The following PCDHA12 variants were observed in gnomAD, a reference collection of about 807,000 sequenced individuals.
PCDHA12 encodes protocadherin alpha 12.
PCDHA12 carries 44 observed loss-of-function variants against 60.0 expected under a neutral mutation model. The observed-to-expected ratio is 0.73, with a 90% CI of 0.58 to 0.94. The LOEUF is 0.94. Among genes scored for constraint, PCDHA12 ranks in the 40% least tolerant of loss-of-function variants. The pLI is 0.00. For missense variants in PCDHA12, 1,276 were observed against 1,239.7 expected, an observed-to-expected ratio of 1.03 and a Z score of -0.44; for synonymous variants, 569 against 553.0, an observed-to-expected ratio of 1.03 and a Z score of -0.40.
chr5:140,964,949 G>A (rs1322269042), intron 1 of PCDHA12, among the ~76,000 whole-genome samples: 1 of 152,226 alleles, frequency 6.6e-6, no homozygotes, highest in Non-Finnish European at 1.5e-5. Flanking sequence ...TAGTGAGTGT[G>A]CTTGGTTGGT....
intron 1 of PCDHA12, among the ~76,000 whole-genome samples, chr5:140,971,815 A>G (rs988959952): frequency 3.2e-4 from 49 of 152,166 alleles, no homozygotes; most frequent in African/African-American, 1.1e-3. Flanking sequence ...TATTGAATAC[A>G]TATATGATTT....
At chr5:140,926,685 A>C in intron 1 of PCDHA12, 1 of 665,408 alleles carries the variant, frequency 1.5e-6, no homozygotes, top group Non-Finnish European at 2.3e-6. Context: ...CCTCCAGCCT[A>C]GCAAGCCCGG....
chr5:140,939,005 G>A (rs2092293653), intron 1 of PCDHA12, among the ~76,000 whole-genome samples: 1 of 152,200 alleles, frequency 6.6e-6, no homozygotes, highest in Non-Finnish European at 1.5e-5. Flanking sequence ...AAGTTAAGAA[G>A]TGTTACTTTT....
intron 1 of PCDHA12, among the ~76,000 whole-genome samples, chr5:140,974,338 A>G (rs1554235945): frequency 6.6e-6 from 1 of 152,212 alleles, no homozygotes; most frequent in Non-Finnish European, 1.5e-5. Flanking sequence ...CTAGCAGGCT[A>G]TGCATCCAGA....
chr5:140,929,167 T>G (rs781804558), intron 1 of PCDHA12: 2 of 1,614,144 alleles, frequency 1.2e-6, no homozygotes, highest in Non-Finnish European at 1.7e-6. Context: ...CTATCGGGCC[T>G]CTCTGGGACT....
chr5:140,977,482 A>G lies in PCDHA12; in HGVS notation c.2368-1467A>G, dbSNP rs3776112. ...TTTGGTCTGTAGATAATTTTATGCTATGTTATATGGAATATCCACAGCATT... is the reference window on the plus strand; with the variant it reads ...TTTGGTCTGTAGATAATTTTATGCTGTGTTATATGGAATATCCACAGCATT... On this transcript the variant is annotated intron_variant, in intron 1 of 3. Coordinates refer to ENST00000398631, the MANE Select transcript of PCDHA12 (RefSeq NM_018903.4). Among the ~76,000 whole-genome samples the G allele has an allele frequency of 3.0e-4, 46 of 152,350 alleles. No homozygotes were observed. The East Asian group carries it at 5.4e-3, about 18-fold the overall frequency.
chr5:140,967,976 C>T (rs2096205972), intron 1 of PCDHA12: 3 of 1,614,222 alleles, frequency 1.9e-6, no homozygotes, highest in Non-Finnish European at 2.5e-6. Context: ...GAGCCTGGGT[C>T]TGGAGGCCAC....
intron 1 of PCDHA12, among the ~76,000 whole-genome samples, chr5:140,937,624 A>G (rs2091636613): frequency 6.6e-6 from 1 of 150,778 alleles, no homozygotes; most frequent in Non-Finnish European, 1.5e-5. Context: ...CTAAAAAGAA[A>G]AAGAAAGGCA....
At chr5:140,881,940 G>A (rs1273995753) in intron 1 of PCDHA12, 1 of 295,968 alleles carries the variant, frequency 3.4e-6, no homozygotes, top group Non-Finnish European at 6.2e-6. Flanking sequence ...TGCTGTTTCT[G>A]GGAAGGTAAA....
intron 1 of PCDHA12, chr5:140,967,010 C>G: frequency 6.2e-7 from 1 of 1,606,340 alleles, no homozygotes. Flanking sequence ...CATCAACCAT[C>G]TGGGTGCGCC....
At chr5:140,983,092 T>C (rs782172308) in intron 3 of PCDHA12, among the ~76,000 whole-genome samples, 4 of 152,178 alleles carry the variant, frequency 2.6e-5, no homozygotes, top group Non-Finnish European at 5.9e-5. Flanking sequence ...TCAAAGTCAA[T>C]CTGCTTCTCT....
intron 2 of PCDHA12, among the ~76,000 whole-genome samples, chr5:140,981,680 C>T (rs1238332235): frequency 6.6e-6 from 1 of 151,746 alleles, no homozygotes; most frequent in Non-Finnish European, 1.5e-5. Flanking sequence ...CTTCCTTCCT[C>T]CCTTCCATCA....
intron 1 of PCDHA12, among the ~76,000 whole-genome samples, chr5:140,911,931 T>C (rs1057514341): frequency 1.8e-4 from 28 of 152,134 alleles, no homozygotes; most frequent in African/African-American, 6.8e-4. Context: ...ACTAATAGGA[T>C]AGATGTATAT....
At position 140,876,690 on chromosome 5, in the gene PCDHA12, G is replaced by A. The variant is rs73793508; in HGVS notation, c.1218G>A (p.Ser406=). The A allele has an allele frequency of 1.7e-3, 2,720 of 1,614,174 alleles. 43 individuals are homozygous for A. The African/African-American group carries it at 0.033, about 20-fold the overall frequency. ...TGTCCACCTACAAGAATTACTACTC[G>A]TTGGTGCTGGACAGCGCCCTGGACC... ...KLVSTYKNYY[S]LVLDSALDRE... The change falls in exon 1 of 4, where the codon TCG becomes TCA. Residue 406 remains serine (S), a synonymous_variant. Transcript: ENST00000398631.
At chr5:140,974,910 C>T (rs1054560750) in intron 1 of PCDHA12, among the ~76,000 whole-genome samples, 1 of 152,114 alleles carries the variant, frequency 6.6e-6, no homozygotes, top group Admixed American at 6.5e-5. Flanking sequence ...AACAAATTAC[C>T]ACAAGTAAGT....
chr5:140,927,640 A>G (rs2084459027), intron 1 of PCDHA12: 8 of 1,614,138 alleles, frequency 5.0e-6, no homozygotes, highest in Non-Finnish European at 6.8e-6. Flanking sequence ...ACCCAATGGG[A>G]CTGTGTTATT....
intron 1 of PCDHA12, chr5:140,969,405 C>T (rs781817372): frequency 6.3e-7 from 1 of 1,577,066 alleles, no homozygotes; most frequent in Non-Finnish European, 8.6e-7. Flanking sequence ...TGTGATTTGG[C>T]TTTATTGAGT....
chr5:140,928,458 T>C lies in PCDHA12; in HGVS notation c.2368-50491T>C, dbSNP rs1030560254. On this transcript the variant is annotated intron_variant, in intron 1 of 3. Coordinates refer to ENST00000398631, the MANE Select transcript of PCDHA12 (RefSeq NM_018903.4). Reference sequence around the variant, plus strand: ...ACTTTGAGCAGCTCAGGGGGTTTCATTTCCAAGTAGAAGGCCGGGATGGTG... The same window carrying C: ...ACTTTGAGCAGCTCAGGGGGTTTCACTTCCAAGTAGAAGGCCGGGATGGTG... 3.1e-6 allele frequency: 5 copies of C among 1,614,048 alleles called. No homozygotes were observed. In the African/African-American group the frequency reaches 5.3e-5, roughly 17 times the overall value.
intron 3 of PCDHA12, among the ~76,000 whole-genome samples, chr5:140,988,398 C>A (rs531157517): frequency 1.3e-5 from 2 of 152,238 alleles, no homozygotes; most frequent in Non-Finnish European, 2.9e-5. Context: ...TGCCAGAGTT[C>A]TCTTCGCAGC....
Sources: gnomAD v4.1 joint callset for allele counts (sites outside exome capture counted in the v4.1 genomes callset) on GRCh38, gnomAD v4.1.1 for gene constraint, MANE v1.5 for transcripts, NCBI Gene and HGNC (gene_info 2026-07-23, HGNC 2026-07-21) for gene names.